The following OPCML variants were observed in gnomAD, a reference collection of about 807,000 sequenced individuals.
OPCML encodes the protein opioid binding protein/cell adhesion molecule like.
A neutral mutation model predicts 37.8 loss-of-function variants in OPCML; 13 were observed. The observed-to-expected ratio is 0.34, with a 90% confidence interval of 0.22 to 0.55. OPCML has a LOEUF of 0.55. Among genes scored for constraint, OPCML ranks in the 20% least tolerant of loss-of-function variants. The probability of loss-of-function intolerance (pLI) is 0.91; values close to 1 mark genes in which losing one functional copy is unlikely to be tolerated. For synonymous variants in OPCML, 176 were observed against 168.8 expected (o/e 1.04, Z -0.33); for missense variants, 341 against 435.6 (o/e 0.78, Z 1.93).
intron 1 of OPCML, among the ~76,000 whole-genome samples, chr11:133,246,659 A>G (rs1439423394): frequency 1.3e-5 from 2 of 152,256 alleles, no homozygotes; most frequent in Non-Finnish European, 1.5e-5. Flanking sequence ...TGTGGATGCC[A>G]TGAATTCTTC....
chr11:132,892,037 TG>T (rs1292363363), intron 2 of OPCML, among the ~76,000 whole-genome samples: 1 of 152,204 alleles, frequency 6.6e-6, no homozygotes, highest in African/African-American at 2.4e-5. Flanking sequence ...TTTCCAACAG[TG>T]TTGAAGAATA....
At chr11:132,794,781 A>G (rs897288390) in intron 2 of OPCML, among the ~76,000 whole-genome samples, 1 of 152,134 alleles carries the variant, frequency 6.6e-6, no homozygotes, top group Non-Finnish European at 1.5e-5. Context: ...AATAAATGCC[A>G]TTGCTAGGGG....
At chr11:133,358,958 G>T (rs529924976) in intron 1 of OPCML, among the ~76,000 whole-genome samples, 2 of 152,050 alleles carry the variant, frequency 1.3e-5, no homozygotes, top group African/African-American at 2.4e-5. Context: ...GTGTGTAGGT[G>T]GGGGGACCAG....
At position 132,825,212 on chromosome 11, in the gene OPCML, C is replaced by A. The variant is rs1410779305; in HGVS notation, c.146+117714G>T. Among the ~76,000 whole-genome samples the A allele has an allele frequency of 1.3e-5, 2 of 152,136 alleles. 1 individual carries two copies. Among genetic ancestry groups the A allele is most frequent in the South Asian group, 4.1e-4 (2 of 4,834 alleles). On this transcript the variant is annotated intron_variant, in intron 2 of 7. Coordinates refer to ENST00000524381, the MANE Select transcript of OPCML (RefSeq NM_001012393.5). ...AATTTGAAAATTACCTGGCACGTAG[C>A]CTAATTTAATGCACATTTGTTTATT... is the stretch of plus-strand genomic sequence containing the variant.
At chr11:132,542,850 C>T (rs1371260173) in intron 3 of OPCML, among the ~76,000 whole-genome samples, 1 of 152,170 alleles carries the variant, frequency 6.6e-6, no homozygotes. Flanking sequence ...ACGCCTCTTC[C>T]CTTCTCCCAC....
At chr11:132,521,183 A>G (rs2137246597) in intron 4 of OPCML, among the ~76,000 whole-genome samples, 1 of 152,210 alleles carries the variant, frequency 6.6e-6, no homozygotes, top group Middle Eastern at 3.4e-3. Context: ...TCTTCTTTTC[A>G]GAAGTATCTG....
intron 1 of OPCML, among the ~76,000 whole-genome samples, chr11:133,134,331 G>A (rs1949649285): frequency 6.6e-6 from 1 of 152,120 alleles, no homozygotes; most frequent in Non-Finnish European, 1.5e-5. Flanking sequence ...TCTACAAAAT[G>A]AAATCCACAT....
At chr11:132,799,439 T>G (rs1938519867) in intron 2 of OPCML, among the ~76,000 whole-genome samples, 1 of 152,082 alleles carries the variant, frequency 6.6e-6, no homozygotes. Context: ...TAGGGTCTTA[T>G]GGAGAAGGAA....
chr11:132,778,778 T>G (rs934617123), intron 2 of OPCML, among the ~76,000 whole-genome samples: 2 of 152,134 alleles, frequency 1.3e-5, no homozygotes, highest in African/African-American at 2.4e-5. Context: ...TTAAAAGATA[T>G]GTCCAAAGTC....
intron 1 of OPCML, among the ~76,000 whole-genome samples, chr11:133,113,141 G>A (rs546521389): frequency 6.6e-6 from 1 of 152,228 alleles, no homozygotes; most frequent in African/African-American, 2.4e-5. Flanking sequence ...ATGCAAAAAA[G>A]CCATCCTTTA....
intron 1 of OPCML, among the ~76,000 whole-genome samples, chr11:133,481,044 AGGT>A (rs1328299561): frequency 1.3e-5 from 2 of 152,174 alleles, no homozygotes; most frequent in African/African-American, 4.8e-5. Flanking sequence ...ATGTAGACAT[AGGT>A]GGCAAAGATA....
chr11:132,447,863 G>T (rs1176163914), intron 4 of OPCML, among the ~76,000 whole-genome samples: 2 of 152,210 alleles, frequency 1.3e-5, no homozygotes, highest in Non-Finnish European at 2.9e-5. Flanking sequence ...GGTCAAGAAA[G>T]ATTCTGTGTG....
intron 7 of OPCML, 145 bp downstream of exon 7, chr11:132,435,941 C>T: frequency 1.4e-6 from 1 of 705,054 alleles, no homozygotes; most frequent in Non-Finnish European, 2.3e-6. Context: ...AGGGGAATGG[C>T]AGGGAGAAGT....
chr11:132,971,879 C>T (rs900875042), intron 1 of OPCML, among the ~76,000 whole-genome samples: 2 of 152,186 alleles, frequency 1.3e-5, no homozygotes, highest in Admixed American at 1.3e-4. Context: ...CCAATCTAGC[C>T]TGACACCTTG....
intron 2 of OPCML, among the ~76,000 whole-genome samples, chr11:132,856,646 G>GTA (rs1942068950): frequency 6.6e-6 from 1 of 152,136 alleles, no homozygotes; most frequent in Admixed American, 6.5e-5. Context: ...AGTTTAACTG[G>GTA]TATATGACCT....
intron 1 of OPCML, among the ~76,000 whole-genome samples, chr11:132,975,552 A>C (rs1946443445): frequency 2.3e-5 from 1 of 43,288 alleles, no homozygotes; most frequent in Non-Finnish European, 4.6e-5. Flanking sequence ...AAAAAAAAAA[A>C]AAAAAAAAAA....
At chr11:133,374,676 T>A (rs1390732297) in intron 1 of OPCML, among the ~76,000 whole-genome samples, 1 of 152,214 alleles carries the variant, frequency 6.6e-6, no homozygotes, top group Non-Finnish European at 1.5e-5. Flanking sequence ...GACTATTCCT[T>A]CAGTTGAATG....
In OPCML at chr11:133,232,383, T is replaced by C. The variant is rs80206518; in HGVS notation, c.62-289373A>G. Among the ~76,000 whole-genome samples the C allele has an allele frequency of 2.0e-4, 31 of 152,346 alleles. 2 individuals carry two copies. In the East Asian group the frequency reaches 5.6e-3, roughly 27 times the overall value. On this transcript the variant is annotated intron_variant, in intron 1 of 7. Transcript: ENST00000524381. ...AGGTAATAAAATCTCCCAGTTTCTG[T>C]TCCTTCATCAGAGGTAGAACTATGT...
intron 2 of OPCML, among the ~76,000 whole-genome samples, chr11:132,748,958 T>C (rs947063680): frequency 6.6e-6 from 1 of 152,178 alleles, no homozygotes. Context: ...TTGAGTGTTT[T>C]ATGGATTGAA....
Sources: gnomAD v4.1 joint callset for allele counts (sites outside exome capture counted in the v4.1 genomes callset) on GRCh38, gnomAD v4.1.1 for gene constraint, MANE v1.5 for transcripts, NCBI Gene and HGNC (gene_info 2026-07-23, HGNC 2026-07-21) for gene names.